The following PFN2 variants were observed in gnomAD, a reference collection of about 807,000 sequenced individuals.
PFN2 encodes profilin 2.
In PFN2, 8 loss-of-function variants were observed where a neutral mutation model predicts 15.3. The observed-to-expected ratio is 0.52, with a 90% confidence interval of 0.31 to 0.95. The LOEUF (loss-of-function observed/expected upper bound fraction) is 0.95, where lower values mean the gene tolerates loss of function less well. Among genes scored for constraint, PFN2 ranks in the 40% least tolerant of loss-of-function variants. The pLI is 0.05. For synonymous variants in PFN2, 79 were observed against 67.9 expected (o/e 1.16, Z -0.81); for missense variants, 111 against 182.3 (o/e 0.61, Z 2.25).
At position 149,966,197 on chromosome 3, in the gene PFN2, G is replaced by A. The variant is rs1055334753; in HGVS notation, c.*292C>T. On this transcript the variant is annotated 3_prime_UTR_variant, in exon 3 of 3. Transcript: ENST00000239940. ...CATCAGACCTCCTCAGGTATAAAGC[G>A]AGTTCATATGCTTTCTTGTTAAGTG... The A allele has an allele frequency of 1.6e-5, 26 of 1,613,592 alleles. No homozygotes were observed. The highest frequency in any genetic ancestry group is 4.4e-5 in the South Asian group (4 of 91,074).
chr3:149,966,112 A>C lies in PFN2; in HGVS notation c.*377T>G. 6.3e-7 allele frequency: 1 copy of C among 1,580,120 alleles called. No homozygotes were observed. The highest frequency in any genetic ancestry group is 1.9e-5 in the Admixed American group (1 of 53,186). On this transcript the variant is annotated 3_prime_UTR_variant, in exon 3 of 3. Coordinates refer to ENST00000239940, the MANE Select transcript of PFN2 (RefSeq NM_053024.4). ...CCATCTACAGTTTGGTAGCATTGTGACCATAATTAGGGTTGTTGATGAAGA... is the reference window on the plus strand; with the variant it reads ...CCATCTACAGTTTGGTAGCATTGTGCCCATAATTAGGGTTGTTGATGAAGA...
chr3:149,965,499 T>A lies in PFN2; in HGVS notation c.*990A>T. 7.1e-7 allele frequency: 1 copy of A among 1,408,434 alleles called. No homozygotes were observed. The allele number at this position is 1,408,434 out of a possible 1,614,324, so 87.2% of individuals were successfully genotyped here. ...ACTGTAAGGTCATGGGAGGAAGTGC[T>A]TTTTGCTCTTGTTTTGCCATTGCAC... On this transcript the variant is annotated 3_prime_UTR_variant, in exon 3 of 3. Transcript: ENST00000239940.
chr3:149,968,184 A>G (rs75851990), intron 2 of PFN2, 174 bp downstream of exon 2: 21,204 of 550,092 alleles, frequency 0.039, 543 homozygotes, highest in African/African-American at 0.091. Context: ...AGGCCAGGTC[A>G]TAGATGCTGT....
At chr3:149,967,352 T>C (rs911800402) in intron 2 of PFN2, among the ~76,000 whole-genome samples, 1 of 152,248 alleles carries the variant, frequency 6.6e-6, no homozygotes, top group Non-Finnish European at 1.5e-5. Flanking sequence ...CTTTTCAGCG[T>C]ATAGTGCAGC....
At chr3:149,970,011 G>A (rs561625546) in intron 1 of PFN2, among the ~76,000 whole-genome samples, 3 of 149,374 alleles carry the variant, frequency 2.0e-5, no homozygotes, top group South Asian at 2.1e-4. Flanking sequence ...CTCCATATGA[G>A]AAGAGAAATC....
rs1407733165 is a variant in PFN2, at chr3:149,966,713, G to A, written c.326-127C>T. On this transcript the variant is annotated intron_variant, in intron 2 of 2. Coordinates refer to ENST00000239940, the MANE Select transcript of PFN2 (RefSeq NM_053024.4). ...AGTTTTCCATGAACTGCCAAGCACT[G>A]AAGTCAAGTAGGTTTCCAAAAAGAA... 6.7e-5 allele frequency: 48 copies of A among 714,532 alleles called. 1 individual carries two copies. In the South Asian group the frequency reaches 7.6e-4, roughly 11 times the overall value. The allele number at this position is 714,532 out of a possible 1,614,324, so 44.3% of individuals were successfully genotyped here. A position where few individuals can be genotyped will look rare whatever the true frequency, so the allele number is the denominator to read the frequency against.
Position 149,966,132 on chromosome 3 carries a change from T to A in PFN2, c.*357A>T. 1.2e-6 allele frequency: 2 copies of A among 1,602,024 alleles called. No individual in the cohort carries two copies. The highest frequency in any genetic ancestry group is 2.2e-5 in the East Asian group (1 of 44,822). On this transcript the variant is annotated 3_prime_UTR_variant, in exon 3 of 3. Transcript: ENST00000239940. ...TTGTGACCATAATTAGGGTTGTTGATGAAGACAGTTGCTAGGTAGATGGGG... is the reference window on the plus strand; with the variant it reads ...TTGTGACCATAATTAGGGTTGTTGAAGAAGACAGTTGCTAGGTAGATGGGG...
chr3:149,970,579 G>T, intron 1 of PFN2, 146 bp downstream of exon 1: 1 of 779,136 alleles, frequency 1.3e-6, no homozygotes, highest in Non-Finnish European at 1.7e-6. Context: ...CTCCCCGCCC[G>T]CCCGGCAGCC....
rs567775628 is a variant in PFN2, at chr3:149,965,339, T to C, written c.*1150A>G. The C allele has an allele frequency of 1.3e-6, 2 of 1,520,924 alleles. No homozygotes were observed. The highest frequency in any genetic ancestry group is 8.8e-7 in the Non-Finnish European group (1 of 1,142,460). 94.2% of individuals were successfully genotyped at this position (1,520,924 alleles called of 1,614,324 possible). On this transcript the variant is annotated 3_prime_UTR_variant, in exon 3 of 3. Transcript: ENST00000239940. Reference sequence around the variant, plus strand: ...ACTGGACACACTCCAGATGGTTATGTTGGGATACCTAATGTCCATAATGGC... The same window carrying C: ...ACTGGACACACTCCAGATGGTTATGCTGGGATACCTAATGTCCATAATGGC...
chr3:149,968,576 A>G (rs750241842), intron 1 of PFN2, 26 bp from the exon 2 acceptor site: 38 of 1,449,674 alleles, frequency 2.6e-5, no homozygotes, highest in Non-Finnish European at 3.1e-5. Flanking sequence ...AAGAAAAAAA[A>G]AAAACACACA....
chr3:149,970,783 T>C lies in PFN2; in HGVS notation c.74A>G (p.Tyr25Cys). The C allele has an allele frequency of 6.6e-7, 1 of 1,514,968 alleles. No homozygotes were observed. 93.8% of individuals were successfully genotyped at this position (1,514,968 alleles called of 1,614,324 possible). A position where few individuals can be genotyped will look rare whatever the true frequency, so the allele number is the denominator to read the frequency against. The change falls in exon 1 of 3, where the codon TAC becomes TGC. Residue 25 changes from tyrosine to cysteine, a missense_variant. Coordinates refer to ENST00000239940, the MANE Select transcript of PFN2 (RefSeq NM_053024.4). ...GCCQEAAIVG[Y>C]CDAKYVWAAT... ...TGCCCAGACGTATTTGGCGTCGCAG[T>C]AGCCGACAATGGCGGCCTCCTGGCA...
Position 149,965,707 on chromosome 3 carries a change from G to A in PFN2, c.*782C>T. On this transcript the variant is annotated 3_prime_UTR_variant, in exon 3 of 3. Coordinates refer to ENST00000239940, the MANE Select transcript of PFN2 (RefSeq NM_053024.4). ...GCAAACCAAATGCCTATGTGCGAAG[G>A]GAGGGGGGGCGGGAAAAAGAGAAGA... 4.3e-6 allele frequency: 4 copies of A among 925,370 alleles called. No individual in the cohort carries two copies. The highest frequency in any genetic ancestry group is 5.0e-6 in the Non-Finnish European group (4 of 803,548). 57.3% of individuals were successfully genotyped at this position (925,370 alleles called of 1,614,324 possible).
chr3:149,966,337 C>A lies in PFN2; in HGVS notation c.*152G>T. 1 of 1,597,464 alleles carries A rather than the reference C, an allele frequency of 6.3e-7. No homozygotes were observed. The highest frequency in any genetic ancestry group is 1.7e-5 in the Admixed American group (1 of 58,508). ...GGGGGGAGGGCAGAAAGAAAGACAC[C>A]TTTCCCCACCAACAGAGGGATACAA... On this transcript the variant is annotated 3_prime_UTR_variant, in exon 3 of 3. Transcript: ENST00000239940.
In PFN2 at chr3:149,965,654, A is replaced by G. The variant is rs1409941703; in HGVS notation, c.*835T>C. ...AAGGGATTTTAATTGGTTAAAAAAAAACAGGCACTGCATAAAAAAAGATGG... is the reference window on the plus strand; with the variant it reads ...AAGGGATTTTAATTGGTTAAAAAAAGACAGGCACTGCATAAAAAAAGATGG... On this transcript the variant is annotated 3_prime_UTR_variant, in exon 3 of 3. Transcript: ENST00000239940. The G allele has an allele frequency of 7.8e-5, 80 of 1,026,642 alleles. No homozygotes were observed. The highest frequency in any genetic ancestry group is 8.6e-5 in the Non-Finnish European group (74 of 857,510). The allele number at this position is 1,026,642 out of a possible 1,614,324, so 63.6% of individuals were successfully genotyped here.
intron 1 of PFN2, among the ~76,000 whole-genome samples, chr3:149,969,536 C>A (rs918762861): frequency 6.6e-6 from 1 of 152,110 alleles, no homozygotes; most frequent in African/African-American, 2.4e-5. Context: ...TGCGGGTATA[C>A]GAGACCTTAA....
chr3:149,969,339 T>C (rs180805461), intron 1 of PFN2, among the ~76,000 whole-genome samples: 22 of 152,268 alleles, frequency 1.4e-4, no homozygotes, highest in African/African-American at 4.8e-4. Flanking sequence ...CATTCTAACA[T>C]TCCATGAATA....
intron 1 of PFN2, 89 bp from the exon 2 acceptor site, chr3:149,968,639 G>T: frequency 9.0e-7 from 1 of 1,109,970 alleles, no homozygotes; most frequent in Non-Finnish European, 1.3e-6. Context: ...AGGAAGGGCT[G>T]TAGCTAGGCT....
At chr3:149,969,404 T>C (rs1322507170) in intron 1 of PFN2, among the ~76,000 whole-genome samples, 4 of 152,158 alleles carry the variant, frequency 2.6e-5, no homozygotes, top group Non-Finnish European at 5.9e-5. Context: ...GCCCCAGCCA[T>C]TTCCAAGCAC....
chr3:149,965,505 C>T lies in PFN2; in HGVS notation c.*984G>A, dbSNP rs1722658535. On this transcript the variant is annotated 3_prime_UTR_variant, in exon 3 of 3. Transcript: ENST00000239940. ...AGGTCATGGGAGGAAGTGCTTTTTGCTCTTGTTTTGCCATTGCACTCTTCA... is the reference window on the plus strand; with the variant it reads ...AGGTCATGGGAGGAAGTGCTTTTTGTTCTTGTTTTGCCATTGCACTCTTCA... 3 of 1,406,226 alleles carry T rather than the reference C, an allele frequency of 2.1e-6. No individual in the cohort carries two copies. The highest frequency in any genetic ancestry group is 2.8e-6 in the Non-Finnish European group (3 of 1,087,068). The allele number at this position is 1,406,226 out of a possible 1,614,324, so 87.1% of individuals were successfully genotyped here.
Sources: allele counts gnomAD v4.1 joint callset (sites outside exome capture counted in the v4.1 genomes callset), GRCh38; gene constraint gnomAD v4.1.1; transcripts MANE v1.5; gene names NCBI Gene and HGNC (gene_info 2026-07-23, HGNC 2026-07-21).